The following RABGEF1 variants were observed in gnomAD, a reference collection of about 807,000 sequenced individuals.
RABGEF1 encodes rab5 GDP/GTP exchange factor.
Under a neutral mutation model 57.3 loss-of-function variants are expected in RABGEF1, and 26 were observed. That is an observed-to-expected ratio of 0.45 (90% CI 0.33 to 0.63). The LOEUF (loss-of-function observed/expected upper bound fraction) is 0.63. Among genes scored for constraint, RABGEF1 ranks in the 20% least tolerant of loss-of-function variants. The pLI is 0.02. For synonymous variants in RABGEF1, 185 were observed against 210.7 expected (o/e 0.88, Z 1.06); for missense variants, 464 against 607.6 (o/e 0.76, Z 2.48).
chr7:66,672,145 G>T, the RABGEF1 span, among the ~76,000 whole-genome samples: 3 of 151,774 alleles, frequency 2.0e-5, no homozygotes, highest in Non-Finnish European at 4.4e-5. Flanking sequence ...AAACCTGGCC[G>T]GGCACGGTGG....
chr7:66,695,109 C>T (rs1792122563), intron 1 of RABGEF1, among the ~76,000 whole-genome samples: 1 of 152,120 alleles, frequency 6.6e-6, no homozygotes, highest in Non-Finnish European at 1.5e-5. Flanking sequence ...ATCAGAAGGT[C>T]AAGACCAGCC....
upstream of RABGEF1, among the ~76,000 whole-genome samples, chr7:66,679,360 G>A (rs1426994350): frequency 1.3e-5 from 2 of 152,160 alleles, no homozygotes; most frequent in African/African-American, 4.8e-5. Flanking sequence ...CCAGGCTGGA[G>A]TGCAGTGGCA....
At chr7:66,706,845 G>A (rs975973873) in intron 1 of RABGEF1, among the ~76,000 whole-genome samples, 3 of 139,202 alleles carry the variant, frequency 2.2e-5, no homozygotes, top group East Asian at 2.2e-4. Flanking sequence ...GCAGTTTCGC[G>A]ATCTCAGCTC....
intron 7 of RABGEF1, among the ~76,000 whole-genome samples, chr7:66,802,689 C>G (rs1787564450): frequency 1.3e-5 from 2 of 152,160 alleles, no homozygotes; most frequent in Admixed American, 6.5e-5. Context: ...CCAGAGGATG[C>G]TAGGAACGGG....
the RABGEF1 span, among the ~76,000 whole-genome samples, chr7:66,657,599 T>A: frequency 1.3e-5 from 2 of 152,162 alleles, no homozygotes; most frequent in Non-Finnish European, 2.9e-5. Flanking sequence ...AGCGGGAGGA[T>A]CCCCTGAGGT....
chr7:66,688,008 C>T (rs1790941268), intron 1 of RABGEF1, among the ~76,000 whole-genome samples: 1 of 150,358 alleles, frequency 6.7e-6, no homozygotes, highest in Admixed American at 6.7e-5. Context: ...TCGCTTGAAC[C>T]CAGGAGGCAG....
chr7:66,658,259 G>T, the RABGEF1 span, among the ~76,000 whole-genome samples: 1 of 152,200 alleles, frequency 6.6e-6, no homozygotes, highest in Admixed American at 6.5e-5. Context: ...CCAACCAGGT[G>T]CAGTGGCTCG....
intron 1 of RABGEF1, among the ~76,000 whole-genome samples, chr7:66,704,975 C>A (rs2117299276): frequency 6.6e-6 from 1 of 152,278 alleles, no homozygotes; most frequent in Non-Finnish European, 1.5e-5. Flanking sequence ...TGCATTCCCA[C>A]CAGCAATAGA....
chr7:66,705,944 G>A (rs1436603953), intron 1 of RABGEF1, among the ~76,000 whole-genome samples: 5 of 139,180 alleles, frequency 3.6e-5, no homozygotes, highest in South Asian at 2.4e-4. Flanking sequence ...CGCCCAGGCC[G>A]GACTGCGGGC....
chr7:66,695,509 A>G (rs1222613678), intron 1 of RABGEF1, among the ~76,000 whole-genome samples: 2 of 152,212 alleles, frequency 1.3e-5, no homozygotes, highest in African/African-American at 2.4e-5. Context: ...CCATTCAGTG[A>G]CAAGAGTTGC....
At chr7:66,656,836 A>T in the RABGEF1 span, among the ~76,000 whole-genome samples, 1 of 151,064 alleles carries the variant, frequency 6.6e-6, no homozygotes, top group South Asian at 2.1e-4. Context: ...AAAAAAAAAA[A>T]AAAAAGTAAC....
intron 1 of RABGEF1, among the ~76,000 whole-genome samples, chr7:66,758,838 C>G (rs1562798768): frequency 6.6e-6 from 1 of 152,154 alleles, no homozygotes; most frequent in Admixed American, 6.5e-5. Flanking sequence ...ACATTAGTCC[C>G]ATGATAGGTG....
chr7:66,693,037 A>G (rs1322346342), intron 1 of RABGEF1, among the ~76,000 whole-genome samples: 2 of 151,992 alleles, frequency 1.3e-5, no homozygotes, highest in Non-Finnish European at 2.9e-5. Flanking sequence ...GCGGGGGAAA[A>G]AAGCAGTGAG....
At chr7:66,663,097 A>T in the RABGEF1 span, among the ~76,000 whole-genome samples, 1 of 141,388 alleles carries the variant, frequency 7.1e-6, no homozygotes, top group Admixed American at 7.2e-5. Flanking sequence ...AAATAATAAC[A>T]TGAGCGCTCT....
At chr7:66,800,574 CT>C (rs1269914763) in intron 7 of RABGEF1, among the ~76,000 whole-genome samples, 3 of 152,134 alleles carry the variant, frequency 2.0e-5, no homozygotes, top group South Asian at 4.1e-4. Flanking sequence ...GTCATGACTA[CT>C]CTGCCCCCCG....
rs1172187415 is a variant in RABGEF1, at chr7:66,809,732, AAT to A, written c.*451_*452del. ...TGATAAGTAAATATGTAAAATTGTA[AAT>A]ATGTAAAAAAAAGAATGGTGTCTGC... On this transcript the variant is annotated 3_prime_UTR_variant, in exon 9 of 9. Coordinates refer to ENST00000284957, the MANE Select transcript of RABGEF1 (RefSeq NM_014504.3). 1.3e-5 allele frequency: 2 copies of A among 153,260 alleles called. No individual in the cohort carries two copies. Among genetic ancestry groups the A allele is most frequent in the African/African-American group, 4.8e-5 (2 of 41,466 alleles). The allele number at this position is 153,260 out of a possible 1,614,324, so 9.5% of individuals were successfully genotyped here. A position where few individuals can be genotyped will look rare whatever the true frequency, so the allele number is the denominator to read the frequency against.
Position 66,691,005 on chromosome 7 carries a change from C to T in RABGEF1, c.-873+8747C>T, listed in dbSNP as rs183669632. 1.9e-3 allele frequency among the ~76,000 whole-genome samples: 292 copies of T among 152,114 alleles called. 4 individuals carry two copies. Among genetic ancestry groups the T allele is most frequent in the Admixed American group, 0.015 (234 of 15,272 alleles). On this transcript the variant is annotated intron_variant and NMD_transcript_variant, in intron 1 of 9. Coordinates refer to the RABGEF1 transcript ENST00000607882. The stretch of plus-strand genomic sequence containing the variant: ...GCTTCGGAGGCTGGGGCATGAGAAT[C>T]GCCGGAACCGGGGAGGCAGGGGTTG...
intron 1 of RABGEF1, among the ~76,000 whole-genome samples, chr7:66,763,948 C>T (rs1389781493): frequency 1.7e-4 from 26 of 152,158 alleles, no homozygotes; most frequent in Non-Finnish European, 2.9e-5. Context: ...TAAACATTCA[C>T]GTACAAGTTT....
rs111934974 is a variant in RABGEF1, at chr7:66,701,982, A to G, written c.-872-10185A>G. Among the ~76,000 whole-genome samples the G allele has an allele frequency of 3.2e-3, 486 of 152,304 alleles. 1 individual carries two copies. The highest frequency in any genetic ancestry group is 1.0e-2 in the African/African-American group (415 of 41,550). ...TTCAGTGGCATTAAGTACATCCACA[A>G]TATTGTGCAAATATCATCACTACCA... On this transcript the variant is annotated intron_variant and NMD_transcript_variant, in intron 1 of 9. Transcript: ENST00000607882.
Sources: allele counts gnomAD v4.1 joint callset (sites outside exome capture counted in the v4.1 genomes callset), GRCh38; gene constraint gnomAD v4.1.1; transcripts MANE v1.5; gene names NCBI Gene and HGNC (gene_info 2026-07-23, HGNC 2026-07-21).